Variants in PPARGC1A observed in about 807,000 individuals in gnomAD.
The protein encoded by PPARGC1A is peroxisome proliferator-activated receptor gamma coactivator 1-alpha.
A neutral mutation model predicts 88.7 loss-of-function variants in PPARGC1A; 25 were observed. The ratio of observed to expected loss-of-function variants is 0.28; its 90% CI spans 0.21 to 0.39. The LOEUF (loss-of-function observed/expected upper bound fraction) is 0.39. Ranked by LOEUF, PPARGC1A falls within the 10% of genes least tolerant of loss-of-function variation. PPARGC1A has a pLI of 1.00. For missense variants in PPARGC1A, 880 were observed against 968.7 expected, an observed-to-expected ratio of 0.91 and a Z score of 1.22; for synonymous variants, 363 against 355.6, an observed-to-expected ratio of 1.02 and a Z score of -0.24.
intron 12 of PPARGC1A, among the ~76,000 whole-genome samples, chr4:23,801,145 C>T (rs887300248): frequency 6.6e-6 from 1 of 151,666 alleles, no homozygotes; most frequent in Non-Finnish European, 1.5e-5. Flanking sequence ...TGCTATGGTT[C>T]GTGAAAGGAT....
the PPARGC1A span, among the ~76,000 whole-genome samples, chr4:24,387,926 GAA>G: frequency 0.058 from 925 of 15,874 alleles, 30 homozygotes; most frequent in Non-Finnish European, 0.13. Flanking sequence ...AAGAAAGAAA[GAA>G]AGAAAGAGAA....
chr4:23,931,746 A>G, the PPARGC1A span, among the ~76,000 whole-genome samples: 1 of 152,202 alleles, frequency 6.6e-6, no homozygotes, highest in African/African-American at 2.4e-5. Flanking sequence ...ATGGGGATAA[A>G]AAGAGGTGAT....
the PPARGC1A span, among the ~76,000 whole-genome samples, chr4:24,174,956 T>A: frequency 4.5e-4 from 68 of 152,300 alleles, 1 homozygote; most frequent in Non-Finnish European, 8.7e-4. Flanking sequence ...CTAAGAATGC[T>A]GTTGCAAAGT....
At chr4:23,870,825 AT>A (rs1237824843) in intron 2 of PPARGC1A, among the ~76,000 whole-genome samples, 1 of 152,230 alleles carries the variant, frequency 6.6e-6, no homozygotes, top group Non-Finnish European at 1.5e-5. Context: ...AATTATAAAA[AT>A]AACCATAAAA....
the PPARGC1A span, among the ~76,000 whole-genome samples, chr4:24,266,564 G>GT: frequency 6.6e-6 from 1 of 152,082 alleles, no homozygotes; most frequent in African/African-American, 2.4e-5. Context: ...TAGCAAATAA[G>GT]TAAGAATTTC....
At chr4:24,198,050 T>C in the PPARGC1A span, among the ~76,000 whole-genome samples, 1 of 152,142 alleles carries the variant, frequency 6.6e-6, no homozygotes, top group Non-Finnish European at 1.5e-5. Flanking sequence ...ACTGCCCTCC[T>C]TCACTTCATA....
At chr4:24,354,792 C>G in the PPARGC1A span, among the ~76,000 whole-genome samples, 1 of 152,054 alleles carries the variant, frequency 6.6e-6, no homozygotes, top group African/African-American at 2.4e-5. Context: ...GAGGCTGAGG[C>G]AGGAGAATGG....
intron 2 of PPARGC1A, among the ~76,000 whole-genome samples, chr4:23,857,280 T>C (rs928473661): frequency 4.0e-5 from 6 of 150,458 alleles, no homozygotes; most frequent in African/African-American, 1.5e-4. Context: ...GCCAAAGAGA[T>C]GCAGAAACCA....
At chr4:24,031,429 G>C in the PPARGC1A span, among the ~76,000 whole-genome samples, 1 of 152,226 alleles carries the variant, frequency 6.6e-6, no homozygotes, top group African/African-American at 2.4e-5. Context: ...GAAGGCTTTT[G>C]AATAACAAAA....
the PPARGC1A span, among the ~76,000 whole-genome samples, chr4:24,313,506 AG>A: frequency 6.6e-6 from 1 of 152,210 alleles, no homozygotes; most frequent in Non-Finnish European, 1.5e-5. Context: ...CTGCAAGGCA[AG>A]TTACATTTCT....
chr4:24,381,946 C>T, the PPARGC1A span, among the ~76,000 whole-genome samples: 1 of 152,136 alleles, frequency 6.6e-6, no homozygotes, highest in East Asian at 1.9e-4. Flanking sequence ...GAACTTCAAT[C>T]CATATTGAGA....
At chr4:24,088,306 G>A in the PPARGC1A span, among the ~76,000 whole-genome samples, 2 of 152,120 alleles carry the variant, frequency 1.3e-5, no homozygotes, top group East Asian at 3.9e-4. Context: ...AGTGAGCCAT[G>A]ATTGTGTCAC....
At chr4:23,953,324 T>C in the PPARGC1A span, among the ~76,000 whole-genome samples, 2 of 152,106 alleles carry the variant, frequency 1.3e-5, no homozygotes, top group African/African-American at 4.8e-5. Flanking sequence ...TCCTTACTCT[T>C]CCTCTTGAAT....
chr4:23,844,707 A>AT (rs1491264933), intron 2 of PPARGC1A, among the ~76,000 whole-genome samples: 8 of 98,960 alleles, frequency 8.1e-5, no homozygotes, highest in African/African-American at 3.4e-4. Flanking sequence ...ATCTATCATA[A>AT]TATATGATAT....
the PPARGC1A span, among the ~76,000 whole-genome samples, chr4:24,291,118 T>C: frequency 6.6e-6 from 1 of 152,168 alleles, no homozygotes; most frequent in South Asian, 2.1e-4. Flanking sequence ...TGATCTCCAA[T>C]CTCGCTAAAG....
At chr4:24,466,111 A>G in the PPARGC1A span, among the ~76,000 whole-genome samples, 1 of 152,228 alleles carries the variant, frequency 6.6e-6, no homozygotes, top group Non-Finnish European at 1.5e-5. Flanking sequence ...TCTATCTCTC[A>G]GGCTAGATCT....
intron 1 of PPARGC1A, among the ~76,000 whole-genome samples, chr4:23,895,360 T>A (rs183721670): frequency 2.3e-4 from 34 of 151,056 alleles, no homozygotes; most frequent in African/African-American, 6.3e-4. Context: ...CCAGGCAGAG[T>A]CTTGGAAAGA....
chr4:24,388,085 A>G, the PPARGC1A span, among the ~76,000 whole-genome samples: 1 of 151,884 alleles, frequency 6.6e-6, no homozygotes, highest in Admixed American at 6.6e-5. Flanking sequence ...TTTGCAATCT[A>G]TCCATCTGAC....
chr4:24,388,471 T>C, the PPARGC1A span, among the ~76,000 whole-genome samples: 1 of 152,194 alleles, frequency 6.6e-6, no homozygotes, highest in Non-Finnish European at 1.5e-5. Context: ...CATTACTGGG[T>C]ATATACCCAA....
Sources: allele counts gnomAD v4.1 joint callset (sites outside exome capture counted in the v4.1 genomes callset), GRCh38; gene constraint gnomAD v4.1.1; transcripts MANE v1.5; gene names NCBI Gene and HGNC (gene_info 2026-07-23, HGNC 2026-07-21).